Variants in CCDC88C observed in about 807,000 individuals in gnomAD.
CCDC88C encodes the protein protein Daple.
A neutral mutation model predicts 198.8 loss-of-function variants in CCDC88C; 131 were observed. The ratio of observed to expected loss-of-function variants is 0.66; its 90% CI spans 0.57 to 0.76. The LOEUF (loss-of-function observed/expected upper bound fraction) is 0.76, where lower values mean the gene tolerates loss of function less well. Among genes scored for constraint, CCDC88C ranks in the 30% least tolerant of loss-of-function variants. The pLI, the probability that CCDC88C is intolerant of heterozygous loss-of-function variation, is 0.00. For missense variants in CCDC88C, 2,553 were observed against 2,631.6 expected (o/e 0.97, Z 0.65); for synonymous variants, 1,166 against 1,114.7 (o/e 1.05, Z -0.92).
intron 3 of CCDC88C, among the ~76,000 whole-genome samples, chr14:91,386,392 C>G (rs1885147271): frequency 6.6e-6 from 1 of 151,778 alleles, no homozygotes; most frequent in South Asian, 2.1e-4. Flanking sequence ...ACCCAGAAGG[C>G]AGAGGTTGCA....
At chr14:91,388,890 G>A (rs1433129564) in intron 3 of CCDC88C, among the ~76,000 whole-genome samples, 9 of 152,192 alleles carry the variant, frequency 5.9e-5, no homozygotes, top group Non-Finnish European at 1.0e-4. Flanking sequence ...CACAGGCTCC[G>A]CAGGGAACCC....
intron 3 of CCDC88C, among the ~76,000 whole-genome samples, chr14:91,383,215 C>T (rs938111588): frequency 6.6e-6 from 1 of 150,678 alleles, no homozygotes; most frequent in Admixed American, 6.6e-5. Context: ...GTCACCCCCT[C>T]GAACCCTGGC....
rs1030063168 is a variant in CCDC88C at position 91,292,297 on chromosome 14, C to T, written c.4113-1213G>A. Among the ~76,000 whole-genome samples the T allele has an allele frequency of 3.9e-5, 6 of 152,160 alleles. No individual in the cohort carries two copies. The East Asian group carries it at 5.8e-4, about 15-fold the overall frequency. Reference sequence around the variant, plus strand: ...ACAGACTCACACGAACTCCAGGGCCCGGAGCAGGCCCCAGGAAGCCTGCCA... The same window carrying T: ...ACAGACTCACACGAACTCCAGGGCCTGGAGCAGGCCCCAGGAAGCCTGCCA... On this transcript the variant is annotated intron_variant, in intron 23 of 29. Coordinates refer to ENST00000389857, the MANE Select transcript of CCDC88C (RefSeq NM_001080414.4).
intron 27 of CCDC88C, chr14:91,281,091 T>G (rs994189829): frequency 1.7e-5 from 8 of 466,244 alleles, no homozygotes; most frequent in South Asian, 1.2e-4. Context: ...TAAATACGCC[T>G]CAGAGCTACT....
At chr14:91,277,371 T>C (rs1890009531) in intron 29 of CCDC88C, among the ~76,000 whole-genome samples, 1 of 152,194 alleles carries the variant, frequency 6.6e-6, no homozygotes, top group South Asian at 2.1e-4. Flanking sequence ...TTTCACATCA[T>C]GCGAAAATCA....
At chr14:91,333,645 C>T (rs907586630) in intron 10 of CCDC88C, among the ~76,000 whole-genome samples, 2 of 152,296 alleles carry the variant, frequency 1.3e-5, no homozygotes, top group South Asian at 2.1e-4. Context: ...TTTCCTATAA[C>T]GCACATATTA....
intron 3 of CCDC88C, among the ~76,000 whole-genome samples, chr14:91,376,269 C>T (rs1316577467): frequency 1.3e-5 from 2 of 152,172 alleles, no homozygotes; most frequent in South Asian, 2.1e-4. Flanking sequence ...GTGGTGGGGG[C>T]GCTGTCTGCT....
intron 10 of CCDC88C, among the ~76,000 whole-genome samples, chr14:91,326,920 G>A (rs1290526607): frequency 6.6e-6 from 1 of 152,202 alleles, no homozygotes; most frequent in Non-Finnish European, 1.5e-5. Flanking sequence ...ACAAATGTGA[G>A]CTCCACAAAT....
At chr14:91,417,228 T>C (rs1887112888) in intron 1 of CCDC88C, 1 of 701,388 alleles carries the variant, frequency 1.4e-6, no homozygotes, top group Admixed American at 2.0e-5. Flanking sequence ...CACCGGCTGG[T>C]CTCAGGGATT....
chr14:91,313,149 C>A lies in CCDC88C; in HGVS notation c.2667G>T (p.Leu889=). 6.2e-7 allele frequency: 1 copy of A among 1,610,660 alleles called. No homozygotes were observed. Among genetic ancestry groups the A allele is most frequent in the Non-Finnish European group, 8.5e-7 (1 of 1,177,694 alleles). ...TGGTGAGGTCCCGGTTGTCCTTCTC[C>A]AGCTCCTTCAGCTTGCCGGCTGCGT... ...CRDAAGKLKE[L]EKDNRDLTKQ... Residue 889 remains leucine, a synonymous_variant, in exon 15 of 30, where the codon CTG becomes CTT. Transcript: ENST00000389857. This position sits in a 1 kb window ranked among gnomAD's most constrained non-coding sequence, Gnocchi z 5.2.
intron 3 of CCDC88C, among the ~76,000 whole-genome samples, chr14:91,380,312 G>GGCA (rs1884712145): frequency 6.6e-6 from 1 of 152,192 alleles, no homozygotes; most frequent in Non-Finnish European, 1.5e-5. Flanking sequence ...GCTAGGAGGC[G>GGCA]GCAGCAGCAA....
chr14:91,310,935 C>T, intron 15 of CCDC88C, among the ~76,000 whole-genome samples: 1 of 152,204 alleles, frequency 6.6e-6, no homozygotes, highest in East Asian at 1.9e-4. Context: ...AATTTCCCAG[C>T]CACCCTGTAT....
At chr14:91,291,925 G>T (rs1272318696) in intron 23 of CCDC88C, among the ~76,000 whole-genome samples, 1 of 152,172 alleles carries the variant, frequency 6.6e-6, no homozygotes, top group South Asian at 2.1e-4. Context: ...AGGGAGTCAC[G>T]GGGCTGCGCC....
In CCDC88C at chr14:91,313,362, C is replaced by T; in HGVS notation, c.2454G>A (p.Lys818=). 3 of 1,611,240 alleles carry T rather than the reference C, an allele frequency of 1.9e-6. No homozygotes were observed. The highest frequency in any genetic ancestry group is 2.5e-6 in the Non-Finnish European group (3 of 1,179,864). The part of the protein sequence containing the change: ...LANAQLEGAE[K]DRKALEQEVA... ...CCTCCTGCTCCAGGGCCTTCCTGTC[C>T]TTCTCGGCCCCCTCCAACTGTGCAT... is the stretch of plus-strand genomic sequence containing the variant. The change falls in exon 15 of 30, where the codon AAG becomes AAA. Residue 818 remains lysine, a synonymous_variant. Coordinates refer to ENST00000389857, the MANE Select transcript of CCDC88C (RefSeq NM_001080414.4). The surrounding 1 kb of genome is among the most constrained non-coding windows in gnomAD (Gnocchi z 5.2).
chr14:91,386,332 G>A (rs1446194607), intron 3 of CCDC88C, among the ~76,000 whole-genome samples: 1 of 151,620 alleles, frequency 6.6e-6, no homozygotes, highest in African/African-American at 2.4e-5. Context: ...ATGGTGGTGG[G>A]TGCCTGTAAT....
At chr14:91,297,554 GAGAC>G (rs750831347) in intron 21 of CCDC88C, 63 bp from the exon 22 acceptor site, 149 of 1,510,090 alleles carry the variant, frequency 9.9e-5, no homozygotes, top group Non-Finnish European at 1.3e-4. Context: ...TAACGGCCCA[GAGAC>G]CTGGGCTATG....
intron 12 of CCDC88C, among the ~76,000 whole-genome samples, chr14:91,322,971 T>C (rs557545965): frequency 6.7e-6 from 1 of 149,108 alleles, no homozygotes; most frequent in South Asian, 2.1e-4. Flanking sequence ...AGTGGTGTGA[T>C]CTTGGCTCGC....
chr14:91,417,732 T>C lies in CCDC88C; in HGVS notation c.-42A>G. On this transcript the variant is annotated 5_prime_UTR_variant, in exon 1 of 30. Transcript: ENST00000389857. Reference sequence around the variant, plus strand: ...CCGGCTCCGCGCCCCCCGCCCCGCGTCCCCGTTCCCCCGCGCCGCGGCACA... The same window carrying C: ...CCGGCTCCGCGCCCCCCGCCCCGCGCCCCCGTTCCCCCGCGCCGCGGCACA... 6.9e-7 allele frequency: 1 copy of C among 1,446,338 alleles called. No homozygotes were observed. Among genetic ancestry groups the C allele is most frequent in the Non-Finnish European group, 9.2e-7 (1 of 1,090,924 alleles). The allele number at this position is 1,446,338 out of a possible 1,614,324, so 89.6% of individuals were successfully genotyped here. A position where few individuals can be genotyped will look rare whatever the true frequency, so the allele number is the denominator to read the frequency against.
At chr14:91,278,889 CTTT>C (rs10671669) in intron 28 of CCDC88C, among the ~76,000 whole-genome samples, 6 of 54,504 alleles carry the variant, frequency 1.1e-4, no homozygotes, top group African/African-American at 2.3e-4. Context: ...ACCAAATACA[CTTT>C]TTTTTTTTTT....
Sources: gnomAD v4.1 joint callset for allele counts (sites outside exome capture counted in the v4.1 genomes callset) on GRCh38, gnomAD v4.1.1 for gene constraint, Gnocchi (gnomAD v3.1) non-coding constraint, MANE v1.5 for transcripts, NCBI Gene and HGNC (gene_info 2026-07-23, HGNC 2026-07-21) for gene names.